Variants in GREB1 observed in about 807,000 individuals in gnomAD.
GREB1 encodes protein GREB1.
GREB1 carries 106 observed loss-of-function variants against 200.7 expected under a neutral mutation model. The ratio of observed to expected loss-of-function variants is 0.53; its 90% CI spans 0.45 to 0.62. The LOEUF (loss-of-function observed/expected upper bound fraction) is 0.62, where lower values mean the gene tolerates loss of function less well. Ranked by LOEUF, GREB1 falls within the 20% of genes least tolerant of loss-of-function variation. The pLI, the probability that GREB1 is intolerant of heterozygous loss-of-function variation, is 0.00. For synonymous variants in GREB1, 1,132 were observed against 1,092.4 expected (o/e 1.04, Z -0.72); for missense variants, 2,243 against 2,556.8 (o/e 0.88, Z 2.65).
chr2:11,593,149 G>A, intron 11 of GREB1, 23 bp downstream of exon 11: 1 of 1,495,932 alleles, frequency 6.7e-7, no homozygotes, highest in Non-Finnish European at 9.1e-7. Flanking sequence ...CCGCGCGGCT[G>A]CGGGAAAGCC....
intron 1 of GREB1, among the ~76,000 whole-genome samples, chr2:11,555,329 C>T (rs1676327016): frequency 6.6e-6 from 1 of 151,110 alleles, no homozygotes; most frequent in Non-Finnish European, 1.5e-5. Flanking sequence ...GGAGAAATGT[C>T]AGAACAAATA....
In GREB1 at chr2:11,597,831, C is replaced by T. The variant is rs561611393; in HGVS notation, c.2005C>T (p.Gln669Ter). 1.2e-6 allele frequency: 2 copies of T among 1,614,228 alleles called. No individual in the cohort carries two copies. Among genetic ancestry groups the T allele is most frequent in the South Asian group, 1.1e-5 (1 of 91,086 alleles). ...CCGGCCCTTCCAGCTGGCAGTAGCG[C>T]AGAAGCTCCTCTCCCATGTGTGTTC... ...SIRPFQLAVA[Q>*]KLLSHVCSIA... is the part of the protein sequence containing the mutation. The change falls in exon 14 of 33, where the codon CAG becomes TAG. Residue 669 changes from glutamine to a stop codon, truncating the protein, a stop_gained. Transcript: ENST00000381486. LOFTEE classifies it high-confidence loss of function. This position sits in a 1 kb window ranked among gnomAD's most constrained non-coding sequence, Gnocchi z 4.1.
In GREB1 at chr2:11,627,103, A is replaced by G. The variant is rs1558659468; in HGVS notation, c.4448A>G (p.Gln1483Arg). 2 of 1,590,590 alleles carry G rather than the reference A, an allele frequency of 1.3e-6. No individual in the cohort carries two copies. Among genetic ancestry groups the G allele is most frequent in the Non-Finnish European group, 1.7e-6 (2 of 1,167,006 alleles). The change falls in exon 25 of 33, where the codon CAG becomes CGG. Residue 1483 changes from glutamine to arginine, a missense_variant and splice_region_variant. Physicochemically the swap from Gln to Arg is conservative, Grantham distance 43. Transcript: ENST00000381486. The stretch of plus-strand genomic sequence containing the variant: ...TACATGGGCTTCCACCCCCGCTACC[A>G]GGTAGGCCCCAGCAGTTCCCCACCA... ...HQYMGFHPRY[Q>R]LYESTLHAFA...
chr2:11,632,796 C>A, intron 27 of GREB1, 93 bp from the exon 28 acceptor site: 2 of 1,098,816 alleles, frequency 1.8e-6, no homozygotes, highest in Non-Finnish European at 2.7e-6. Context: ...GCTGGCTTGT[C>A]TGGGCGGCCC....
intron 9 of GREB1, chr2:11,587,681 T>C: frequency 7.9e-7 from 1 of 1,269,084 alleles, no homozygotes; most frequent in South Asian, 1.6e-5. Context: ...ATGGAGTACC[T>C]GGAGTACAAG....
chr2:11,483,724 G>A (rs1283195125), intron 1 of GREB1, among the ~76,000 whole-genome samples: 1 of 147,354 alleles, frequency 6.8e-6, no homozygotes, highest in Admixed American at 6.7e-5. Context: ...GTGTGTGTGT[G>A]TGTGTGTGTG....
At chr2:11,631,777 C>T (rs1684894566) in intron 26 of GREB1, 132 bp from the exon 27 acceptor site, 2 of 717,232 alleles carry the variant, frequency 2.8e-6, no homozygotes, top group African/African-American at 3.5e-5. Context: ...AAGCAAGTCA[C>T]AAGGCTGAAA....
intron 18 of GREB1, among the ~76,000 whole-genome samples, 177 bp downstream of exon 18, chr2:11,611,204 G>C (rs535135300): frequency 1.3e-5 from 2 of 151,878 alleles, no homozygotes; most frequent in Admixed American, 1.3e-4. Context: ...CGCCCCAGCA[G>C]CACCCCCACA....
intron 4 of GREB1, among the ~76,000 whole-genome samples, chr2:11,568,347 G>A (rs751503964): frequency 2.0e-4 from 31 of 152,242 alleles, no homozygotes; most frequent in Non-Finnish European, 1.9e-4. Context: ...GGACACACAC[G>A]TGTGTGAACT....
chr2:11,559,106 A>G (rs186602328), intron 2 of GREB1, among the ~76,000 whole-genome samples: 3 of 152,360 alleles, frequency 2.0e-5, no homozygotes, highest in East Asian at 3.9e-4. Context: ...GCTCATGGAA[A>G]GAAAACACAA....
chr2:11,623,222 G>A (rs544251669), intron 23 of GREB1, among the ~76,000 whole-genome samples: 1 of 152,314 alleles, frequency 6.6e-6, no homozygotes, highest in Non-Finnish European at 1.5e-5. Context: ...TGTTTGTAGC[G>A]ATTCGGGTGT....
chr2:11,604,209 A>G (rs1466934166), intron 17 of GREB1, among the ~76,000 whole-genome samples: 4 of 152,202 alleles, frequency 2.6e-5, no homozygotes, highest in Non-Finnish European at 5.9e-5. Context: ...GAGCTAATGT[A>G]CGTGTGCACA....
intron 5 of GREB1, 98 bp downstream of exon 5, chr2:11,576,633 C>A: frequency 1.2e-6 from 1 of 848,282 alleles, no homozygotes; most frequent in Non-Finnish European, 1.9e-6. Context: ...CCCTGCATAG[C>A]AGCACACATC....
chr2:11,531,195 AG>A (rs1026702089), upstream of GREB1, among the ~76,000 whole-genome samples: 3 of 152,212 alleles, frequency 2.0e-5, no homozygotes, highest in East Asian at 5.8e-4. Flanking sequence ...GTAGGTTCCC[AG>A]TTTACTGTGG....
At chr2:11,488,138 T>A (rs1274489954) in intron 1 of GREB1, among the ~76,000 whole-genome samples, 1 of 152,166 alleles carries the variant, frequency 6.6e-6, no homozygotes, top group East Asian at 1.9e-4. Context: ...CCAGCATCAG[T>A]GTTGTCAGGG....
Position 11,632,979 on chromosome 2 carries a change from A to G in GREB1, c.4907A>G (p.Asp1636Gly). ...GAGGAGCTGGGAATCAAGCCGCAGG[A>G]CATCTGGCCTTTCATTGTGATCTCT... is the stretch of plus-strand genomic sequence containing the variant. Reference protein sequence around the residue: ...RQEELGIKPQDIWPFIVISDD... With the variant: ...RQEELGIKPQGIWPFIVISDD... Residue 1636 changes from aspartate to glycine, a missense_variant, in exon 28 of 33, where the codon GAC becomes GGC. By Grantham distance (94) the Asp-to-Gly change is moderately conservative. Transcript: ENST00000381486. 1 of 1,614,192 alleles carries G rather than the reference A, an allele frequency of 6.2e-7. No homozygotes were observed. The highest frequency in any genetic ancestry group is 8.5e-7 in the Non-Finnish European group (1 of 1,180,032).
chr2:11,557,235 A>C lies in GREB1; in HGVS notation c.157+464A>C, dbSNP rs1433338320. Among the ~76,000 whole-genome samples, 4 of 152,270 alleles carry C rather than the reference A, an allele frequency of 2.6e-5. No individual in the cohort carries two copies. In the East Asian group the frequency reaches 7.7e-4, roughly 29 times the overall value. On this transcript the variant is annotated intron_variant, in intron 2 of 32. Transcript: ENST00000381486. The stretch of plus-strand genomic sequence containing the variant: ...TATAAATTTAATATATGCCAAGAAT[A>C]AACAACTAAATTCTCTTCGGGCATA...
chr2:11,585,249 A>AGGT lies in GREB1; in HGVS notation c.996_998dup (p.Gly333dup). ...CAGCTCCAGATGGTGGCTGCCCCCA[A>AGGT]GGTGGTGGGAACAGAGCTAAGTATG... On this transcript the variant is annotated inframe_insertion, in exon 8 of 33. Coordinates refer to ENST00000381486, the MANE Select transcript of GREB1 (RefSeq NM_014668.4). The AGGT allele has an allele frequency of 6.4e-7, 1 of 1,567,414 alleles. No individual in the cohort carries two copies. The highest frequency in any genetic ancestry group is 2.0e-5 in the Admixed American group (1 of 49,868).
intron 1 of GREB1, among the ~76,000 whole-genome samples, chr2:11,528,364 ATTAT>A (rs1428945085): frequency 6.6e-6 from 1 of 152,262 alleles, no homozygotes; most frequent in Non-Finnish European, 1.5e-5. Flanking sequence ...AAGTAGCAGA[ATTAT>A]TTACTCCGAT....
Sources: allele counts gnomAD v4.1 joint callset (sites outside exome capture counted in the v4.1 genomes callset), GRCh38; gene constraint gnomAD v4.1.1; non-coding constraint Gnocchi (gnomAD v3.1); transcripts MANE v1.5; gene names NCBI Gene and HGNC (gene_info 2026-07-23, HGNC 2026-07-21).